The following NEK6 variants were observed in gnomAD, a reference collection of about 807,000 sequenced individuals.
NEK6 encodes NIMA related kinase 6.
Under a neutral mutation model 43.5 loss-of-function variants are expected in NEK6, and 27 were observed. The ratio of observed to expected loss-of-function variants is 0.62; its 90% CI spans 0.46 to 0.86. The LOEUF (loss-of-function observed/expected upper bound fraction) is 0.86. Among genes scored for constraint, NEK6 ranks in the 40% least tolerant of loss-of-function variants. The pLI is 0.00. For missense variants in NEK6, 318 were observed against 414.4 expected (o/e 0.77, Z 2.02); for synonymous variants, 167 against 164.1 (o/e 1.02, Z -0.14).
intron 4 of NEK6, among the ~76,000 whole-genome samples, chr9:124,319,157 G>A (rs898367540): frequency 6.6e-5 from 10 of 150,842 alleles, no homozygotes; most frequent in African/African-American, 1.7e-4. Context: ...GCTAATTTTC[G>A]TATTTTTAGT....
At chr9:124,330,490 G>A (rs1828922267) in intron 7 of NEK6, among the ~76,000 whole-genome samples, 1 of 152,186 alleles carries the variant, frequency 6.6e-6, no homozygotes, top group African/African-American at 2.4e-5. Flanking sequence ...GGCAGCCACG[G>A]GTGACAGGGC....
intron 1 of NEK6, chr9:124,258,358 T>G: frequency 1.0e-6 from 1 of 984,426 alleles, no homozygotes; most frequent in South Asian, 4.7e-5. Flanking sequence ...GTGGCGTTGT[T>G]GGGGTGAGTG....
intron 4 of NEK6, among the ~76,000 whole-genome samples, chr9:124,320,491 G>C (rs113214380): frequency 6.6e-6 from 1 of 152,254 alleles, no homozygotes; most frequent in Non-Finnish European, 1.5e-5. Flanking sequence ...GCTCACTATC[G>C]GCCTCTGGTG....
intron 2 of NEK6, among the ~76,000 whole-genome samples, chr9:124,308,280 G>T (rs991345594): frequency 2.0e-5 from 3 of 152,190 alleles, no homozygotes; most frequent in Non-Finnish European, 4.4e-5. Flanking sequence ...CTTGTGCCCT[G>T]GGGTGGGGTT....
At chr9:124,291,716 C>G (rs1398530594) in intron 1 of NEK6, 1 of 565,272 alleles carries the variant, frequency 1.8e-6, no homozygotes, top group East Asian at 1.5e-4. Context: ...GGAGCGAGCA[C>G]AAGGACCAAA....
rs185894635 is a variant in NEK6, at chr9:124,341,063, A to T, written c.717+1398A>T. Among the ~76,000 whole-genome samples, 358 of 152,184 alleles carry T rather than the reference A, an allele frequency of 2.4e-3. 1 individual carries two copies. The highest frequency in any genetic ancestry group is 8.6e-3 in the African/African-American group (356 of 41,524). On this transcript the variant is annotated intron_variant, in intron 8 of 9. Transcript: ENST00000320246. ...AGCATCTTTCTTTTGTTTTTTTGAG[A>T]CAGAGTCTCACTCTTGTCGCCCGGG...
intron 1 of NEK6, among the ~76,000 whole-genome samples, chr9:124,262,342 G>A (rs1033577421): frequency 1.3e-5 from 2 of 152,256 alleles, no homozygotes; most frequent in African/African-American, 2.4e-5. Flanking sequence ...CAGAGGAGCC[G>A]ACATTGGGGC....
chr9:124,312,956 C>A (rs1382147821), intron 3 of NEK6, among the ~76,000 whole-genome samples: 1 of 152,212 alleles, frequency 6.6e-6, no homozygotes, highest in African/African-American at 2.4e-5. Context: ...TGAGGAAAAT[C>A]TCATAACCGC....
At chr9:124,345,979 C>T (rs1021196958) in intron 8 of NEK6, among the ~76,000 whole-genome samples, 1 of 152,248 alleles carries the variant, frequency 6.6e-6, no homozygotes, top group Admixed American at 6.5e-5. Context: ...TGCATCCTCA[C>T]ACTTCCCCTG....
intron 1 of NEK6, among the ~76,000 whole-genome samples, chr9:124,283,584 T>C (rs1318313396): frequency 6.6e-6 from 1 of 152,202 alleles, no homozygotes. Context: ...CAGCCCTGGC[T>C]CTGCACCCCT....
At chr9:124,342,267 G>A (rs955187909) in intron 8 of NEK6, among the ~76,000 whole-genome samples, 3 of 152,228 alleles carry the variant, frequency 2.0e-5, no homozygotes, top group East Asian at 3.8e-4. Context: ...AGAGACAGGC[G>A]TTCTAGGTCT....
intron 1 of NEK6, chr9:124,261,026 A>G (rs1364749179): frequency 6.6e-6 from 1 of 152,276 alleles, no homozygotes; most frequent in East Asian, 1.9e-4. Flanking sequence ...TAACTTGGGC[A>G]GGGTCATAAA....
chr9:124,284,034 C>G (rs1832041674), intron 1 of NEK6, among the ~76,000 whole-genome samples: 1 of 152,220 alleles, frequency 6.6e-6, no homozygotes, highest in Non-Finnish European at 1.5e-5. Context: ...TGCTGTGTGG[C>G]TTGGTTTCCC....
intron 1 of NEK6, among the ~76,000 whole-genome samples, chr9:124,287,030 C>A (rs1396285777): frequency 6.6e-6 from 1 of 152,204 alleles, no homozygotes; most frequent in African/African-American, 2.4e-5. Context: ...TGCCCCCCGG[C>A]TGTGATATGC....
chr9:124,291,242 G>T (rs997188314), intron 1 of NEK6, among the ~76,000 whole-genome samples: 4 of 152,206 alleles, frequency 2.6e-5, no homozygotes, highest in Non-Finnish European at 5.9e-5. Context: ...CTTGAACCAG[G>T]ACTGCCGCCT....
intron 8 of NEK6, among the ~76,000 whole-genome samples, chr9:124,342,279 C>T (rs1829672054): frequency 6.6e-6 from 1 of 152,220 alleles, no homozygotes; most frequent in Non-Finnish European, 1.5e-5. Context: ...TCTAGGTCTC[C>T]CAAGGCCCAG....
intron 1 of NEK6, among the ~76,000 whole-genome samples, chr9:124,280,835 C>G (rs947420480): frequency 6.6e-6 from 1 of 152,152 alleles, no homozygotes; most frequent in Non-Finnish European, 1.5e-5. Context: ...CTCTGTTGCC[C>G]AGGCTGGAGG....
intron 4 of NEK6, among the ~76,000 whole-genome samples, chr9:124,317,588 G>A (rs1403340772): frequency 6.6e-6 from 1 of 152,148 alleles, no homozygotes; most frequent in East Asian, 1.9e-4. Flanking sequence ...AGAGTATATT[G>A]TGTGATGCTG....
chr9:124,352,903 A>G lies in NEK6; in HGVS notation c.*1956A>G, dbSNP rs2131132360. ...ACCCGCTTTCCACACTGTGAGAACA[A>G]TCTGCCCAACTGGACCCTCTGGAGG... is the stretch of plus-strand genomic sequence containing the variant. On this transcript the variant is annotated 3_prime_UTR_variant, in exon 10 of 10. Coordinates refer to ENST00000320246, the MANE Select transcript of NEK6 (RefSeq NM_014397.6). The G allele has an allele frequency of 6.6e-6, 1 of 152,554 alleles. No individual in the cohort carries two copies. The highest frequency in any genetic ancestry group is 2.1e-4 in the South Asian group (1 of 4,828). 9.5% of individuals were successfully genotyped at this position (152,554 alleles called of 1,614,324 possible). A position where few individuals can be genotyped will look rare whatever the true frequency, so the allele number is the denominator to read the frequency against.
Sources: allele counts gnomAD v4.1 joint callset (sites outside exome capture counted in the v4.1 genomes callset), GRCh38; gene constraint gnomAD v4.1.1; transcripts MANE v1.5; gene names NCBI Gene and HGNC (gene_info 2026-07-23, HGNC 2026-07-21).